ZNF536: variants seen among roughly 807,000 people sequenced by gnomAD.
ZNF536 encodes zinc finger protein 536.
ZNF536 carries 13 observed loss-of-function variants against 84.5 expected under a neutral mutation model. The ratio of observed to expected loss-of-function variants is 0.15; its 90% CI spans 0.10 to 0.24. The LOEUF is 0.24. Among genes scored for constraint, ZNF536 ranks in the 10% least tolerant of loss-of-function variants. ZNF536 has a pLI of 1.00. For synonymous variants in ZNF536, 811 were observed against 742.5 expected (o/e 1.09, Z -1.50); for missense variants, 1,536 against 1,747.5 (o/e 0.88, Z 2.16).
chr19:30,593,926 A>G (rs868521666), intron 1 of ZNF536, among the ~76,000 whole-genome samples: 1 of 152,226 alleles, frequency 6.6e-6, no homozygotes, highest in Non-Finnish European at 1.5e-5. Flanking sequence ...AAGAAGAGGA[A>G]AAAAGAGTCT....
At chr19:30,558,551 C>T (rs189575965), downstream of ZNF536, among the ~76,000 whole-genome samples, 51 of 152,240 alleles carry the variant, frequency 3.3e-4, no homozygotes, top group African/African-American at 1.1e-3. Context: ...TCAGGATTCG[C>T]GGAGGTGGGA....
chr19:30,461,794 C>T (rs141580645), intron 2 of ZNF536, among the ~76,000 whole-genome samples: 33 of 152,152 alleles, frequency 2.2e-4, no homozygotes, highest in African/African-American at 6.0e-4. Context: ...TGCTCTAGCC[C>T]GCAGCTCCGT....
rs546387642 is a variant in ZNF536, at chr19:30,619,906, T to C, written c.169+70392T>C. Among the ~76,000 whole-genome samples, 164 of 152,352 alleles carry C rather than the reference T, an allele frequency of 1.1e-3. 1 individual carries two copies. The highest frequency in any genetic ancestry group is 3.3e-3 in the South Asian group (16 of 4,828). On this transcript the variant is annotated intron_variant, in intron 1 of 1. Transcript: ENST00000592773. ...AGTGACATGAAAGAGTGATGTGGAC[T>C]TGATATTTACATACATATCTGTTTA...
chr19:30,536,186 C>G (rs956461029), intron 3 of ZNF536, among the ~76,000 whole-genome samples: 6 of 152,178 alleles, frequency 3.9e-5, no homozygotes, highest in Admixed American at 3.3e-4. Flanking sequence ...CATCCTGCCC[C>G]CTTCTTCATC....
At chr19:30,235,554 A>G (rs1036581706) in intron 1 of ZNF536, among the ~76,000 whole-genome samples, 6 of 152,248 alleles carry the variant, frequency 3.9e-5, no homozygotes, top group African/African-American at 1.4e-4. Flanking sequence ...TAGATATTAC[A>G]TATAAAATTT....
Position 30,322,219 on chromosome 19 carries a change from C to T in ZNF536, c.-119-30149C>T, listed in dbSNP as rs549090764. Among the ~76,000 whole-genome samples, 39 of 152,206 alleles carry T rather than the reference C, an allele frequency of 2.6e-4. No homozygotes were observed. The South Asian group carries it at 6.2e-3, about 24-fold the overall frequency. Reference sequence around the variant, plus strand: ...TGGGACCATCATTTGTAATAGCTGCCGTTTTTCATTGAATAGATGTGCCAT... The same window carrying T: ...TGGGACCATCATTTGTAATAGCTGCTGTTTTTCATTGAATAGATGTGCCAT... On this transcript the variant is annotated intron_variant, in intron 2 of 5. Coordinates refer to the ZNF536 transcript ENST00000585628.
chr19:30,269,022 A>T (rs1396849510), intron 1 of ZNF536, among the ~76,000 whole-genome samples: 1 of 152,256 alleles, frequency 6.6e-6, no homozygotes, highest in African/African-American at 2.4e-5. Flanking sequence ...ATACAATGCA[A>T]GTCCCGCTCA....
At chr19:30,439,197 C>A (rs1219112372) in intron 1 of ZNF536, among the ~76,000 whole-genome samples, 1 of 152,058 alleles carries the variant, frequency 6.6e-6, no homozygotes, top group African/African-American at 2.4e-5. Context: ...CCTTAGACAC[C>A]AAAGCTGCGA....
At chr19:30,459,135 T>G (rs2053011737) in intron 2 of ZNF536, among the ~76,000 whole-genome samples, 1 of 152,218 alleles carries the variant, frequency 6.6e-6, no homozygotes, top group Admixed American at 6.5e-5. Context: ...AGACGTCATC[T>G]GTTATGAGGT....
At chr19:30,488,060 C>G (rs1599555566) in intron 2 of ZNF536, among the ~76,000 whole-genome samples, 1 of 152,238 alleles carries the variant, frequency 6.6e-6, no homozygotes, top group South Asian at 2.1e-4. Flanking sequence ...ACAGCAGTTC[C>G]CAGGTTTCTA....
At chr19:30,335,742 G>C (rs969236933) in intron 2 of ZNF536, among the ~76,000 whole-genome samples, 1 of 152,072 alleles carries the variant, frequency 6.6e-6, no homozygotes, top group Non-Finnish European at 1.5e-5. Flanking sequence ...AATCTTCCTC[G>C]CCAGGGCTGC....
At position 30,548,267 on chromosome 19, in the gene ZNF536, A is replaced by G. The variant is rs776994919; in HGVS notation, c.2648A>G (p.Asp883Gly). 18 of 1,614,088 alleles carry G rather than the reference A, an allele frequency of 1.1e-5. No homozygotes were observed. In the East Asian group the frequency reaches 4.0e-4, roughly 36 times the overall value. The change falls in exon 4 of 5, where the codon GAT becomes GGT. Residue 883 changes from aspartate to glycine, a missense_variant. Asp to Gly is a moderately conservative substitution (Grantham distance 94). Around this residue, in one of 8 missense-constraint regions of ZNF536, gnomAD observed 624 missense variants for 603.1 expected, o/e 1.03. Coordinates refer to ENST00000355537, the MANE Select transcript of ZNF536 (RefSeq NM_014717.3). ...GGCATGTCTTCGGAGGTCCCCTCAG[A>G]TGCTCTGAAAGGCACTGACCTTCCT... ...ATGMSSEVPS[D>G]ALKGTDLPSK...
chr19:30,549,266 A>C lies in ZNF536; in HGVS notation c.3647A>C (p.Gln1216Pro), dbSNP rs757767302. The C allele has an allele frequency of 6.8e-6, 11 of 1,613,808 alleles. No individual in the cohort carries two copies. Among genetic ancestry groups the C allele is most frequent in the Non-Finnish European group, 9.3e-6 (11 of 1,180,062 alleles). ...GDSLQPTGTS[Q>P]PVQGLVSPLS... ...AGCCTGCAGCCCACAGGCACCTCCCAGCCCGTCCAGGGACTGGTCTCACCT... is the reference window on the plus strand; with the variant it reads ...AGCCTGCAGCCCACAGGCACCTCCCCGCCCGTCCAGGGACTGGTCTCACCT... Residue 1216 changes from glutamine (Q) to proline (P), a missense_variant, in exon 4 of 5, where the codon CAG (glutamine) becomes CCG (proline). Around this residue, in one of 8 missense-constraint regions of ZNF536, gnomAD observed 624 missense variants for 603.1 expected, o/e 1.03. Transcript: ENST00000355537.
At chr19:30,449,580 G>T (rs1029326455) in intron 2 of ZNF536, among the ~76,000 whole-genome samples, 1 of 152,156 alleles carries the variant, frequency 6.6e-6, no homozygotes, top group Admixed American at 6.5e-5. Context: ...CATAATTTTG[G>T]AGTGGGGATA....
intron 1 of ZNF536, among the ~76,000 whole-genome samples, chr19:30,281,236 C>G (rs971352643): frequency 6.6e-6 from 1 of 152,182 alleles, no homozygotes; most frequent in Admixed American, 6.5e-5. Context: ...CTCCTCGCTC[C>G]CCAGCAGCCT....
In ZNF536 at chr19:30,445,330, A is replaced by G. The variant is rs1232049321; in HGVS notation, c.1768A>G (p.Ser590Gly). Residue 590 changes from serine to glycine, a missense_variant, in exon 2 of 5, where the codon AGC becomes GGC. Physicochemically the swap from Ser to Gly is moderately conservative, Grantham distance 56 (BLOSUM62 0). This residue lies in a region of ZNF536 where 366 missense variants were observed against 364.4 expected (regional missense o/e 1.00). Transcript: ENST00000355537. The surrounding 1 kb of genome is among the most constrained non-coding windows in gnomAD (Gnocchi z 4.5). ...ADLVHSTKVG[S>G]QRDLPSKLDP... ...TTTGGTTCACAGCACTAAAGTGGGCAGCCAGAGAGACCTGCCAAGTAAGCT... is the reference window on the plus strand; with the variant it reads ...TTTGGTTCACAGCACTAAAGTGGGCGGCCAGAGAGACCTGCCAAGTAAGCT... The G allele has an allele frequency of 1.2e-6, 2 of 1,614,112 alleles. No individual in the cohort carries two copies. The highest frequency in any genetic ancestry group is 1.7e-6 in the Non-Finnish European group (2 of 1,180,058).
At chr19:30,446,492 C>G (rs1398774853) in intron 2 of ZNF536, among the ~76,000 whole-genome samples, 1 of 152,012 alleles carries the variant, frequency 6.6e-6, no homozygotes, top group Admixed American at 6.6e-5. Flanking sequence ...CTTTCTCTCC[C>G]CCTTAGCGTA....
At chr19:30,650,254 T>C (rs2049648102) in intron 1 of ZNF536, among the ~76,000 whole-genome samples, 1 of 152,164 alleles carries the variant, frequency 6.6e-6, no homozygotes, top group South Asian at 2.1e-4. Context: ...AAATGATCAA[T>C]AGATGAGTGG....
At chr19:30,505,206 A>G (rs1476734002) in intron 2 of ZNF536, among the ~76,000 whole-genome samples, 1 of 145,140 alleles carries the variant, frequency 6.9e-6, no homozygotes, top group African/African-American at 2.6e-5. Context: ...TTCTCTCTAT[A>G]TATTATATTA....
Sources: allele counts gnomAD v4.1 joint callset (sites outside exome capture counted in the v4.1 genomes callset), GRCh38; gene constraint gnomAD v4.1.1; regional missense constraint gnomAD v4.1.1; non-coding constraint Gnocchi (gnomAD v3.1); transcripts MANE v1.5; gene names NCBI Gene and HGNC (gene_info 2026-07-23, HGNC 2026-07-21).